PTPRD: variants seen among roughly 807,000 people sequenced by gnomAD.
The protein encoded by PTPRD is receptor-type tyrosine-protein phosphatase delta.
In PTPRD, 34 loss-of-function variants were observed where a neutral mutation model predicts 214.5. That is an observed-to-expected ratio of 0.16 (90% confidence interval 0.12 to 0.21). PTPRD has a LOEUF of 0.21. PTPRD is among the 10% of genes least tolerant of loss of function. PTPRD has a pLI of 1.00. For synonymous variants in PTPRD, 1,128 were observed against 845.7 expected (o/e 1.33, Z -5.79); for missense variants, 2,545 against 2,398.7 (o/e 1.06, Z -1.27).
chr9:8,660,297 A>G (rs2097013870), intron 12 of PTPRD, among the ~76,000 whole-genome samples: 1 of 152,148 alleles, frequency 6.6e-6, no homozygotes, highest in Non-Finnish European at 1.5e-5. Context: ...TACCATCACA[A>G]ATATTTAAAG....
chr9:8,744,717 G>T (rs1183435413), intron 11 of PTPRD, among the ~76,000 whole-genome samples: 1 of 152,162 alleles, frequency 6.6e-6, no homozygotes, highest in Non-Finnish European at 1.5e-5. Flanking sequence ...TGGGCGATGG[G>T]TGCACCAAAA....
intron 8 of PTPRD, among the ~76,000 whole-genome samples, chr9:9,410,952 A>T (rs911558864): frequency 3.3e-5 from 5 of 152,130 alleles, no homozygotes. Context: ...GCTTAGAATA[A>T]GTGTGGGCGC....
At chr9:10,462,042 T>A (rs953948904) in intron 2 of PTPRD, among the ~76,000 whole-genome samples, 1 of 152,146 alleles carries the variant, frequency 6.6e-6, no homozygotes, top group African/African-American at 2.4e-5. Flanking sequence ...GGTCAATCGA[T>A]ACAAAGTATC....
intron 9 of PTPRD, among the ~76,000 whole-genome samples, chr9:9,326,194 G>A (rs752660611): frequency 2.0e-5 from 3 of 152,040 alleles, no homozygotes; most frequent in Non-Finnish European, 1.5e-5. Flanking sequence ...AAAGACAGGA[G>A]CCCATCCAGG....
chr9:8,928,647 T>C (rs186860192), intron 11 of PTPRD, among the ~76,000 whole-genome samples: 38 of 152,234 alleles, frequency 2.5e-4, no homozygotes, highest in Non-Finnish European at 4.9e-4. Flanking sequence ...TTTGTTCTTT[T>C]TGCTTAGTAT....
chr9:9,832,596 T>C (rs1225910488), intron 5 of PTPRD, among the ~76,000 whole-genome samples: 1 of 151,878 alleles, frequency 6.6e-6, no homozygotes, highest in East Asian at 1.9e-4. Flanking sequence ...GTAATTTAGG[T>C]TTGGGGGTCT....
chr9:9,385,983 A>G (rs1299525127), intron 9 of PTPRD, among the ~76,000 whole-genome samples: 1 of 152,094 alleles, frequency 6.6e-6, no homozygotes, highest in Non-Finnish European at 1.5e-5. Context: ...TTGCTTCTGG[A>G]ATAGCTGTGT....
intron 4 of PTPRD, among the ~76,000 whole-genome samples, chr9:9,979,834 G>C (rs1033432389): frequency 2.6e-4 from 39 of 152,128 alleles, no homozygotes; most frequent in Admixed American, 6.5e-4. Flanking sequence ...TCAGACATAG[G>C]TCTTTATATA....
chr9:10,588,035 G>C (rs576675254), intron 2 of PTPRD, among the ~76,000 whole-genome samples: 90 of 152,120 alleles, frequency 5.9e-4, no homozygotes, highest in African/African-American at 2.0e-3. Flanking sequence ...ATTGATCATA[G>C]AAGACAATGC....
At chr9:8,389,736 C>T (rs1373882906) in intron 36 of PTPRD, among the ~76,000 whole-genome samples, 1 of 152,104 alleles carries the variant, frequency 6.6e-6, no homozygotes, top group Non-Finnish European at 1.5e-5. Flanking sequence ...AATAAACAAT[C>T]TGGTAACATT....
chr9:10,437,637 T>A lies in PTPRD; in HGVS notation c.-599-96620A>T, dbSNP rs114432767. 9.6e-4 allele frequency among the ~76,000 whole-genome samples: 146 copies of A among 151,882 alleles called. 2 individuals carry two copies. The highest frequency in any genetic ancestry group is 3.3e-3 in the African/African-American group (139 of 41,502). ...TATTTCCGTGTCTGTGTTTCTCTACTTTTTAATATCTGTTATTGAGCAAAC... is the reference window on the plus strand; with the variant it reads ...TATTTCCGTGTCTGTGTTTCTCTACATTTTAATATCTGTTATTGAGCAAAC... On this transcript the variant is annotated intron_variant, in intron 2 of 45. Coordinates refer to ENST00000381196, the MANE Select transcript of PTPRD (RefSeq NM_002839.4).
At chr9:10,324,704 G>A (rs570454990) in intron 3 of PTPRD, among the ~76,000 whole-genome samples, 69 of 151,968 alleles carry the variant, frequency 4.5e-4, no homozygotes, top group African/African-American at 1.3e-3. Context: ...TGATCACCCC[G>A]CCTTCAAAGA....
At chr9:9,888,146 A>C (rs940790275) in intron 5 of PTPRD, among the ~76,000 whole-genome samples, 4 of 152,138 alleles carry the variant, frequency 2.6e-5, no homozygotes, top group African/African-American at 9.7e-5. Flanking sequence ...CCAGTTCTTC[A>C]CTTTCCCATC....
chr9:10,401,307 G>A (rs1465731732), intron 2 of PTPRD, among the ~76,000 whole-genome samples: 2 of 151,480 alleles, frequency 1.3e-5, no homozygotes, highest in Non-Finnish European at 3.0e-5. Context: ...GCTAGGTTCT[G>A]TCTTGCCTGA....
intron 5 of PTPRD, chr9:9,799,328 T>C (rs901311701): frequency 6.6e-6 from 1 of 152,078 alleles, no homozygotes; most frequent in Non-Finnish European, 1.5e-5. Flanking sequence ...AGTTAATCAA[T>C]AGAATAGAAT....
chr9:9,984,887 A>G (rs1439348519), intron 4 of PTPRD, among the ~76,000 whole-genome samples: 1 of 152,134 alleles, frequency 6.6e-6, no homozygotes, highest in East Asian at 1.9e-4. Flanking sequence ...ACTCCTGACC[A>G]ACCATGCACA....
At chr9:10,169,072 T>A (rs1384174101) in intron 3 of PTPRD, among the ~76,000 whole-genome samples, 2 of 152,170 alleles carry the variant, frequency 1.3e-5, no homozygotes, top group African/African-American at 2.4e-5. Context: ...TCTTTCAGAA[T>A]GGAGAGATAA....
At chr9:9,807,414 T>C (rs768371119) in intron 5 of PTPRD, among the ~76,000 whole-genome samples, 2 of 152,142 alleles carry the variant, frequency 1.3e-5, no homozygotes, top group African/African-American at 2.4e-5. Context: ...AGTTCAGTTA[T>C]GGTTATCAAA....
rs1243568484 is a variant in PTPRD, at chr9:9,957,391, ATACT to A, written c.-471-18785_-471-18782del. On this transcript the variant is annotated intron_variant, in intron 4 of 45. Transcript: ENST00000381196. ...TTGTACACATGCAGACAATAAGATA[ATACT>A]TAAAATTATTAATGTTTCAAAGGAA... Among the ~76,000 whole-genome samples the A allele has an allele frequency of 3.3e-5, 5 of 152,308 alleles. No individual in the cohort carries two copies. The East Asian group carries it at 9.6e-4, about 29-fold the overall frequency.
Sources: allele counts gnomAD v4.1 joint callset (sites outside exome capture counted in the v4.1 genomes callset), GRCh38; gene constraint gnomAD v4.1.1; transcripts MANE v1.5; gene names NCBI Gene and HGNC (gene_info 2026-07-23, HGNC 2026-07-21).